Variants in TNNI3K observed in about 807,000 individuals in gnomAD.
TNNI3K encodes serine/threonine-protein kinase TNNI3K.
TNNI3K carries 140 observed loss-of-function variants against 114.5 expected under a neutral mutation model. That is an observed-to-expected ratio of 1.22 (90% confidence interval 1.07 to 1.41). The LOEUF (loss-of-function observed/expected upper bound fraction) is 1.41, where lower values mean the gene tolerates loss of function less well. TNNI3K is among the 40% of genes most tolerant of loss of function. TNNI3K has a pLI of 0.00. For missense variants in TNNI3K, 1,125 were observed against 1,007.6 expected, an observed-to-expected ratio of 1.12 and a Z score of -1.58; for synonymous variants, 347 against 347.5, an observed-to-expected ratio of 1.00 and a Z score of 0.02.
intron 5 of TNNI3K, among the ~76,000 whole-genome samples, chr1:74,280,842 G>A (rs1195608175): frequency 2.0e-5 from 3 of 152,032 alleles, no homozygotes; most frequent in East Asian, 1.9e-4. Flanking sequence ...AGACACCAGC[G>A]GTGGTGACCA....
intron 23 of TNNI3K, among the ~76,000 whole-genome samples, chr1:74,524,223 G>A (rs186266632): frequency 6.5e-4 from 99 of 152,342 alleles, no homozygotes; most frequent in Non-Finnish European, 3.5e-4. Flanking sequence ...GAAGTATTTA[G>A]AGGCATTCTG....
At chr1:74,522,518 A>G (rs1479319569) in intron 23 of TNNI3K, among the ~76,000 whole-genome samples, 4 of 152,144 alleles carry the variant, frequency 2.6e-5, no homozygotes, top group East Asian at 3.9e-4. Context: ...CACGCAGTAT[A>G]GAAGACCTAC....
At chr1:74,331,027 A>C (rs1406379059) in intron 5 of TNNI3K, among the ~76,000 whole-genome samples, 1 of 152,146 alleles carries the variant, frequency 6.6e-6, no homozygotes, top group Non-Finnish European at 1.5e-5. Flanking sequence ...GGCAGATGGC[A>C]ATGAAGGGAG....
chr1:74,404,488 A>G (rs879103530), intron 17 of TNNI3K, among the ~76,000 whole-genome samples: 1 of 152,186 alleles, frequency 6.6e-6, no homozygotes, highest in Admixed American at 6.5e-5. Context: ...CTCTTGGCCT[A>G]TGACAGTAGT....
intron 4 of TNNI3K, among the ~76,000 whole-genome samples, chr1:74,270,959 C>A (rs1419945984): frequency 2.0e-5 from 3 of 151,638 alleles, no homozygotes; most frequent in Non-Finnish European, 4.4e-5. Flanking sequence ...GTAAGAATTA[C>A]TTTAATTGTT....
intron 17 of TNNI3K, chr1:74,373,560 G>A (rs1240074279): frequency 6.6e-6 from 1 of 151,890 alleles, no homozygotes; most frequent in Non-Finnish European, 1.5e-5. Flanking sequence ...TCTGAACTAA[G>A]CATTGTGTCT....
At chr1:74,436,263 T>A (rs1248389609) in intron 18 of TNNI3K, 131 bp downstream of exon 18, 1 of 1,275,540 alleles carries the variant, frequency 7.8e-7, no homozygotes, top group Non-Finnish European at 1.1e-6. Context: ...ACAGCTATCC[T>A]ACCATAAATC....
chr1:74,318,682 T>C lies in TNNI3K; in HGVS notation c.445-12768T>C, dbSNP rs374779418. 1.1e-4 allele frequency among the ~76,000 whole-genome samples: 16 copies of C among 152,356 alleles called. No individual in the cohort carries two copies. The South Asian group carries it at 1.7e-3, about 16-fold the overall frequency. On this transcript the variant is annotated intron_variant, in intron 5 of 24. Coordinates refer to ENST00000326637, the MANE Select transcript of TNNI3K (RefSeq NM_015978.3). ...AATGTACAGCTTTTTGCCTTTGTTG[T>C]GATAGTTCACACATTGTCATCATCA...
intron 21 of TNNI3K, chr1:74,475,951 A>T: frequency 2.2e-6 from 1 of 449,520 alleles, no homozygotes; most frequent in Non-Finnish European, 3.9e-6. Flanking sequence ...ATTTGGAAAA[A>T]TATCAGTCCA....
chr1:74,496,578 T>A (rs1669335536), intron 23 of TNNI3K, among the ~76,000 whole-genome samples: 2 of 152,178 alleles, frequency 1.3e-5, no homozygotes, highest in South Asian at 4.1e-4. Context: ...CTTGATTTTA[T>A]GGGGTTTTTG....
At chr1:74,459,724 A>G (rs2100714753) in intron 20 of TNNI3K, among the ~76,000 whole-genome samples, 1 of 152,340 alleles carries the variant, frequency 6.6e-6, no homozygotes, top group South Asian at 2.1e-4. Flanking sequence ...CCTGTTCTGT[A>G]GCTTTTCACT....
chr1:74,484,448 A>T (rs1668653223), intron 21 of TNNI3K, among the ~76,000 whole-genome samples: 1 of 152,252 alleles, frequency 6.6e-6, no homozygotes, highest in Non-Finnish European at 1.5e-5. Flanking sequence ...GGATATAAAC[A>T]ATAAACAAAT....
intron 9 of TNNI3K, among the ~76,000 whole-genome samples, chr1:74,350,373 C>A (rs541675337): frequency 1.3e-5 from 2 of 152,100 alleles, no homozygotes; most frequent in African/African-American, 4.8e-5. Context: ...TTGCTGAGGA[C>A]TGCTTTACTT....
At chr1:74,371,020 C>T (rs898785299) in intron 17 of TNNI3K, 3 of 151,836 alleles carry the variant, frequency 2.0e-5, no homozygotes, top group African/African-American at 7.3e-5. Flanking sequence ...CTATTTACTT[C>T]CCATTTCCCA....
In TNNI3K at chr1:74,336,081, A is replaced by G. The variant is rs200580098; in HGVS notation, c.614A>G (p.His205Arg). Residue 205 changes from histidine (H) to arginine (R), a missense_variant, in exon 7 of 25, where the codon CAC becomes CGC. Coordinates refer to ENST00000326637, the MANE Select transcript of TNNI3K (RefSeq NM_015978.3). ...VSGEVGDRPL[H>R]LASAKGFLNI... ...GGTGAAGTTGGAGATAGACCCCTCCACCTAGCATCTGCAAAAGGATTCTTG... is the reference window on the plus strand; with the variant it reads ...GGTGAAGTTGGAGATAGACCCCTCCGCCTAGCATCTGCAAAAGGATTCTTG... The G allele has an allele frequency of 2.5e-6, 4 of 1,603,356 alleles. No homozygotes were observed. In the East Asian group the frequency reaches 9.0e-5, roughly 36 times the overall value.
Position 74,250,771 on chromosome 1 carries a change from T to C in TNNI3K, c.333+2T>C, listed in dbSNP as rs762721434. ...GCCTTGCATTTAGCAGTTTACAAGG[T>C]AGGACACTTTAATTCCCATAAACAC... On this transcript the variant is annotated splice_donor_variant, in intron 4 of 24. Coordinates refer to ENST00000326637, the MANE Select transcript of TNNI3K (RefSeq NM_015978.3). LOFTEE classifies it high-confidence loss of function. 2 of 1,606,452 alleles carry C rather than the reference T, an allele frequency of 1.2e-6. No homozygotes were observed. The highest frequency in any genetic ancestry group is 1.7e-6 in the Non-Finnish European group (2 of 1,176,954).
intron 6 of TNNI3K, among the ~76,000 whole-genome samples, chr1:74,332,067 T>C (rs1358735549): frequency 2.6e-5 from 4 of 152,122 alleles, no homozygotes; most frequent in Non-Finnish European, 5.9e-5. Flanking sequence ...AAATATGTGA[T>C]TCTATAACAG....
chr1:74,315,827 A>C (rs1182160657), intron 5 of TNNI3K, among the ~76,000 whole-genome samples: 2 of 152,136 alleles, frequency 1.3e-5, no homozygotes, highest in African/African-American at 4.8e-5. Flanking sequence ...TGTGTTCTAC[A>C]TATTTTTCTT....
intron 2 of TNNI3K, among the ~76,000 whole-genome samples, chr1:74,247,320 C>T (rs1427628572): frequency 3.9e-5 from 6 of 152,124 alleles, no homozygotes; most frequent in African/African-American, 1.4e-4. Flanking sequence ...TCATTCCTCC[C>T]AGTGGGTTTG....
Sources: allele counts gnomAD v4.1 joint callset (sites outside exome capture counted in the v4.1 genomes callset), GRCh38; gene constraint gnomAD v4.1.1; transcripts MANE v1.5; gene names NCBI Gene and HGNC (gene_info 2026-07-23, HGNC 2026-07-21).